The following HAS2 variants were observed in gnomAD, a reference collection of about 807,000 sequenced individuals.
HAS2 encodes hyaluronan synthase 2.
In HAS2, 16 loss-of-function variants were observed where a neutral mutation model predicts 51.6. The observed-to-expected ratio is 0.31, with a 90% CI of 0.21 to 0.47. HAS2 has a LOEUF of 0.47. HAS2 is among the 20% of genes least tolerant of loss of function. The probability of loss-of-function intolerance (pLI) is 1.00; values close to 1 mark genes in which losing one functional copy is unlikely to be tolerated. For missense variants in HAS2, 361 were observed against 662.6 expected (o/e 0.54, Z 5.00); for synonymous variants, 228 against 235.5 (o/e 0.97, Z 0.29).
chr8:121,634,291 A>G (rs760508448), intron 1 of HAS2, among the ~76,000 whole-genome samples: 3 of 152,200 alleles, frequency 2.0e-5, no homozygotes, highest in East Asian at 3.9e-4. Context: ...TGGATCTGGA[A>G]GAAGCTGAAA....
chr8:121,630,260 T>C (rs1396379927), intron 1 of HAS2, among the ~76,000 whole-genome samples: 1 of 152,174 alleles, frequency 6.6e-6, no homozygotes, highest in Non-Finnish European at 1.5e-5. Context: ...GCAAGTGAGT[T>C]TCCATCCTGT....
At chr8:121,632,995 G>A (rs1812953875) in intron 1 of HAS2, among the ~76,000 whole-genome samples, 2 of 152,044 alleles carry the variant, frequency 1.3e-5, no homozygotes, top group Admixed American at 1.3e-4. Context: ...GTGGCATAAG[G>A]CCAGATAATT....
At chr8:121,626,953 G>A (rs916662030) in intron 2 of HAS2, among the ~76,000 whole-genome samples, 1 of 152,136 alleles carries the variant, frequency 6.6e-6, no homozygotes, top group African/African-American at 2.4e-5. Flanking sequence ...GGCTCTAGCA[G>A]GAGGCCTATT....
At chr8:121,617,671 G>A (rs1432434538) in intron 2 of HAS2, among the ~76,000 whole-genome samples, 1 of 151,972 alleles carries the variant, frequency 6.6e-6, no homozygotes, top group Admixed American at 6.5e-5. Context: ...AAAATTCTAT[G>A]ACATTTTCTT....
rs1387042916 is a variant in HAS2 at position 121,613,354 on chromosome 8, A to G, written c.*755T>C. 1 of 152,648 alleles carries G rather than the reference A, an allele frequency of 6.6e-6. No individual in the cohort carries two copies. Among genetic ancestry groups the G allele is most frequent in the Non-Finnish European group, 1.5e-5 (1 of 68,042 alleles). 9.5% of individuals were successfully genotyped at this position (152,648 alleles called of 1,614,324 possible). ...ATAAAAACAAAAAGTTAAAATATTG[A>G]AAGTTTAAATACTTCTTTCACAGAA... On this transcript the variant is annotated 3_prime_UTR_variant, in exon 4 of 4. Coordinates refer to ENST00000303924, the MANE Select transcript of HAS2 (RefSeq NM_005328.3).
chr8:121,618,422 G>A (rs1016106970), intron 2 of HAS2, among the ~76,000 whole-genome samples: 11 of 152,116 alleles, frequency 7.2e-5, no homozygotes, highest in African/African-American at 2.4e-4. Context: ...CGGGCAGAAA[G>A]AGCTGGGCTT....
In HAS2 at chr8:121,640,894, G is replaced by T. The variant is rs2130459189; in HGVS notation, c.-42C>A. On this transcript the variant is annotated 5_prime_UTR_variant, in exon 1 of 4. Coordinates refer to ENST00000303924, the MANE Select transcript of HAS2 (RefSeq NM_005328.3). ...TCATAAAGTCGTCCTCAGCCTGTCT[G>T]TGTGGTCCCGGAGGGTCGGTGGCGG... 6.6e-6 allele frequency: 1 copy of T among 152,184 alleles called. No individual in the cohort carries two copies. The highest frequency in any genetic ancestry group is 2.4e-5 in the African/African-American group (1 of 41,520). 9.4% of individuals were successfully genotyped at this position (152,184 alleles called of 1,614,324 possible).
chr8:121,620,514 A>T (rs753640127), intron 2 of HAS2, among the ~76,000 whole-genome samples: 29 of 152,246 alleles, frequency 1.9e-4, no homozygotes, highest in Non-Finnish European at 3.8e-4. Context: ...CACTAAGTGT[A>T]TCAGCGTAAT....
At position 121,628,726 on chromosome 8, in the gene HAS2, C is replaced by T; in HGVS notation, c.615G>A (p.Val205=). ...YTAFRALGRS[V]DYVQVCDSDT... is the part of the protein sequence containing the mutation. ...TGTGGAGACCTACCTGTACATAATC[C>T]ACACTTCGTCCCAGTGCTCTGAAGG... Residue 205 remains valine, a synonymous_variant, in exon 2 of 4, where the codon GTG becomes GTA. Transcript: ENST00000303924. 6.2e-7 allele frequency: 1 copy of T among 1,613,520 alleles called. No homozygotes were observed. The highest frequency in any genetic ancestry group is 1.7e-4 in the Middle Eastern group (1 of 6,060).
chr8:121,616,731 C>T (rs946084971), intron 3 of HAS2, among the ~76,000 whole-genome samples: 3 of 152,044 alleles, frequency 2.0e-5, no homozygotes, highest in African/African-American at 7.2e-5. Flanking sequence ...CCACTGCGCC[C>T]GGCTCATACT....
intron 2 of HAS2, among the ~76,000 whole-genome samples, chr8:121,624,088 G>A (rs898409062): frequency 1.3e-5 from 2 of 152,128 alleles, no homozygotes; most frequent in African/African-American, 4.8e-5. Context: ...CTGTTTATAT[G>A]TACCTTATTT....
At chr8:121,630,758 G>A (rs564207209) in intron 1 of HAS2, among the ~76,000 whole-genome samples, 14 of 152,028 alleles carry the variant, frequency 9.2e-5, no homozygotes, top group Middle Eastern at 3.4e-3. Context: ...TTATAATTTC[G>A]TAATCCACAT....
intron 2 of HAS2, among the ~76,000 whole-genome samples, chr8:121,618,513 G>C (rs1406292420): frequency 6.6e-6 from 1 of 152,126 alleles, no homozygotes; most frequent in Non-Finnish European, 1.5e-5. Context: ...GCTGGAAAAG[G>C]CTGATGGGTT....
In HAS2 at chr8:121,619,191, C is replaced by T. The variant is rs62524929; in HGVS notation, c.628-1985G>A. 1.9e-3 allele frequency among the ~76,000 whole-genome samples: 283 copies of T among 152,020 alleles called. 1 individual carries two copies. The highest frequency in any genetic ancestry group is 2.8e-3 in the Non-Finnish European group (191 of 67,978). On this transcript the variant is annotated intron_variant, in intron 2 of 3. Coordinates refer to ENST00000303924, the MANE Select transcript of HAS2 (RefSeq NM_005328.3). ...AGGAGTTTGAGACCAGCCTGGGCAACACAACAAGACCCCATCTCAAAAAAA... is the reference window on the plus strand; with the variant it reads ...AGGAGTTTGAGACCAGCCTGGGCAATACAACAAGACCCCATCTCAAAAAAA...
At chr8:121,628,641 C>T in intron 2 of HAS2, 73 bp downstream of exon 2, 1 of 1,346,670 alleles carries the variant, frequency 7.4e-7, no homozygotes, top group South Asian at 1.3e-5. Flanking sequence ...TGGGCTATAG[C>T]ATATGACTGG....
chr8:121,629,307 T>C lies in HAS2; in HGVS notation c.34A>G (p.Ile12Val), dbSNP rs1282689258. The part of the protein sequence containing the change: ...HCERFLCILR[I>V]IGTTLFGVSL... ...ACTCCAAAGAGTGTGGTTCCAATTA[T>C]TCTCAGGATACATAGAAACCTCTCA... Residue 12 changes from isoleucine (I) to valine (V), a missense_variant, in exon 2 of 4, where the codon ATA (isoleucine) becomes GTA (valine). Physicochemically the swap from Ile to Val is conservative, Grantham distance 29. Around this residue, in one of 5 missense-constraint regions of HAS2, gnomAD observed 145 missense variants for 217.6 expected, o/e 0.67. Coordinates refer to ENST00000303924, the MANE Select transcript of HAS2 (RefSeq NM_005328.3). The C allele has an allele frequency of 1.1e-5, 18 of 1,611,092 alleles. No homozygotes were observed. Among genetic ancestry groups the C allele is most frequent in the Non-Finnish European group, 1.5e-5 (18 of 1,177,686 alleles).
At chr8:121,620,434 A>T (rs147595825) in intron 2 of HAS2, among the ~76,000 whole-genome samples, 2 of 152,208 alleles carry the variant, frequency 1.3e-5, no homozygotes, top group African/African-American at 2.4e-5. Context: ...ACTGAACCTC[A>T]CATAAGGAAA....
chr8:121,626,329 G>A (rs1239701941), intron 2 of HAS2, among the ~76,000 whole-genome samples: 1 of 152,118 alleles, frequency 6.6e-6, no homozygotes, highest in Non-Finnish European at 1.5e-5. Flanking sequence ...GGCTATGAGA[G>A]CAATAAGCAA....
At chr8:121,635,583 T>C (rs1812997745) in intron 1 of HAS2, among the ~76,000 whole-genome samples, 1 of 152,196 alleles carries the variant, frequency 6.6e-6, no homozygotes, top group Non-Finnish European at 1.5e-5. Flanking sequence ...CGCTTGAGGG[T>C]TCTATGAATA....
Sources: gnomAD v4.1 joint callset for allele counts (sites outside exome capture counted in the v4.1 genomes callset) on GRCh38, gnomAD v4.1.1 for gene constraint, gnomAD v4.1.1 regional missense constraint, MANE v1.5 for transcripts, NCBI Gene and HGNC (gene_info 2026-07-23, HGNC 2026-07-21) for gene names.